FBXL17: variants seen among roughly 807,000 people sequenced by gnomAD.
FBXL17 encodes F-box/LRR-repeat protein 17.
A neutral mutation model predicts 66.2 loss-of-function variants in FBXL17; 22 were observed. The observed-to-expected ratio is 0.33, with a 90% CI of 0.24 to 0.47. FBXL17 has a LOEUF of 0.47. Ranked by LOEUF, FBXL17 falls within the 20% of genes least tolerant of loss-of-function variation. FBXL17 has a pLI of 1.00. For synonymous variants in FBXL17, 474 were observed against 400.5 expected (o/e 1.18, Z -2.19); for missense variants, 878 against 948.2 (o/e 0.93, Z 0.97).
intron 6 of FBXL17, among the ~76,000 whole-genome samples, chr5:108,028,007 T>TG (rs1440504923): frequency 1.3e-5 from 2 of 152,140 alleles, no homozygotes; most frequent in Non-Finnish European, 2.9e-5. Flanking sequence ...ATCTTTATGG[T>TG]GTTCTGGCAT....
intron 6 of FBXL17, among the ~76,000 whole-genome samples, chr5:108,117,754 G>A (rs756159781): frequency 6.6e-6 from 1 of 152,104 alleles, no homozygotes; most frequent in Non-Finnish European, 1.5e-5. Flanking sequence ...ACCCCCTCTC[G>A]GAAATCCCTG....
At chr5:108,224,586 TG>T (rs1169272030) in intron 4 of FBXL17, among the ~76,000 whole-genome samples, 2 of 151,502 alleles carry the variant, frequency 1.3e-5, no homozygotes, top group East Asian at 1.9e-4. Context: ...TGGTTTGTTT[TG>T]GGGTTTTTTG....
chr5:107,894,739 C>CACATGCTTTTAAT (rs1749315989), intron 7 of FBXL17, among the ~76,000 whole-genome samples: 1 of 152,078 alleles, frequency 6.6e-6, no homozygotes, highest in Non-Finnish European at 1.5e-5. Context: ...TATATAATTA[C>CACATGCTTTTAAT]ACATGCTTTT....
intron 7 of FBXL17, among the ~76,000 whole-genome samples, chr5:107,991,837 A>C (rs976213489): frequency 5.3e-5 from 8 of 152,206 alleles, no homozygotes; most frequent in African/African-American, 1.9e-4. Flanking sequence ...TTGGAAAATG[A>C]GGAGTCAACA....
chr5:108,015,505 A>C (rs903546957), intron 7 of FBXL17, among the ~76,000 whole-genome samples: 4 of 152,202 alleles, frequency 2.6e-5, no homozygotes, highest in African/African-American at 9.7e-5. Flanking sequence ...AAATGAAAAA[A>C]ACAGGAATTT....
rs567380054 is a variant in FBXL17 at position 107,985,893 on chromosome 5, G to A, written c.1822+35032C>T. 1.8e-4 allele frequency among the ~76,000 whole-genome samples: 27 copies of A among 152,214 alleles called. No individual in the cohort carries two copies. The South Asian group carries it at 4.4e-3, about 25-fold the overall frequency. ...GAAGGTGAGAGTGCAGACGAAACAA[G>A]TTTAGCTGTCTATTGGTCACTGTTA... On this transcript the variant is annotated intron_variant, in intron 7 of 8. Transcript: ENST00000542267.
At chr5:107,933,118 C>G (rs545273658) in intron 7 of FBXL17, among the ~76,000 whole-genome samples, 1 of 152,228 alleles carries the variant, frequency 6.6e-6, no homozygotes, top group East Asian at 1.9e-4. Flanking sequence ...TGGAACGGTA[C>G]TGAATTTACA....
In FBXL17 at chr5:108,038,201, A is replaced by G. The variant is rs184015025; in HGVS notation, c.1746-17200T>C. ...CCTAATTTGAATAAGTAAGCTGAAA[A>G]GGGCATTTTTTGAGACAGGAAAAAT... On this transcript the variant is annotated intron_variant, in intron 6 of 8. Coordinates refer to ENST00000542267, the MANE Select transcript of FBXL17 (RefSeq NM_001163315.3). Among the ~76,000 whole-genome samples the G allele has an allele frequency of 2.4e-3, 366 of 152,286 alleles. 3 individuals are homozygous for G. The highest frequency in any genetic ancestry group is 0.014 in the South Asian group (68 of 4,828).
At chr5:107,989,170 T>C (rs988875149) in intron 7 of FBXL17, among the ~76,000 whole-genome samples, 1 of 152,100 alleles carries the variant, frequency 6.6e-6, no homozygotes, top group African/African-American at 2.4e-5. Flanking sequence ...CTGGCTATTT[T>C]GAAATGCACA....
At chr5:108,118,316 T>A (rs538685246) in intron 6 of FBXL17, among the ~76,000 whole-genome samples, 1 of 152,296 alleles carries the variant, frequency 6.6e-6, no homozygotes, top group Non-Finnish European at 1.5e-5. Flanking sequence ...AAATTCAACA[T>A]GTTCAAAACT....
At chr5:107,951,971 A>G (rs1006404118) in intron 7 of FBXL17, among the ~76,000 whole-genome samples, 29 of 152,210 alleles carry the variant, frequency 1.9e-4, no homozygotes, top group Non-Finnish European at 1.3e-4. Flanking sequence ...GTCTAAAAGA[A>G]AGCTGTCCCA....
chr5:108,221,824 A>C (rs759491051), intron 5 of FBXL17, among the ~76,000 whole-genome samples: 1 of 152,226 alleles, frequency 6.6e-6, no homozygotes, highest in Non-Finnish European at 1.5e-5. Flanking sequence ...GGTTTTCAAG[A>C]GATAAACCAA....
At chr5:108,282,512 A>G (rs1042663069) in intron 4 of FBXL17, among the ~76,000 whole-genome samples, 2 of 151,692 alleles carry the variant, frequency 1.3e-5, no homozygotes, top group South Asian at 4.1e-4. Context: ...GAAGAAACAC[A>G]CCTCAAAGTA....
chr5:108,189,567 T>A (rs1422138788), intron 5 of FBXL17, among the ~76,000 whole-genome samples: 6 of 152,170 alleles, frequency 3.9e-5, no homozygotes, highest in Admixed American at 1.3e-4. Flanking sequence ...CAATGGCCTA[T>A]GCTCTATCAT....
At chr5:108,351,522 A>G (rs1422374530) in intron 3 of FBXL17, among the ~76,000 whole-genome samples, 1 of 152,186 alleles carries the variant, frequency 6.6e-6, no homozygotes, top group Non-Finnish European at 1.5e-5. Context: ...GCATACAGGG[A>G]GCAAGCAATC....
intron 5 of FBXL17, among the ~76,000 whole-genome samples, chr5:108,201,369 G>A (rs1753887074): frequency 6.6e-6 from 1 of 152,082 alleles, no homozygotes; most frequent in Non-Finnish European, 1.5e-5. Flanking sequence ...ATAGACACAG[G>A]TACTTCCCTG....
chr5:107,899,060 G>A (rs1225993908), intron 7 of FBXL17, among the ~76,000 whole-genome samples: 1 of 152,136 alleles, frequency 6.6e-6, no homozygotes, highest in Non-Finnish European at 1.5e-5. Flanking sequence ...CACAATGGTT[G>A]AACTAGTTTA....
intron 6 of FBXL17, among the ~76,000 whole-genome samples, chr5:108,126,664 CAT>C (rs869283993): frequency 0.016 from 1,772 of 107,936 alleles, 21 homozygotes; most frequent in South Asian, 0.03. Context: ...TATATATATA[CAT>C]ATATATATAT....
At chr5:107,893,093 A>G (rs563802236) in intron 7 of FBXL17, among the ~76,000 whole-genome samples, 4 of 152,132 alleles carry the variant, frequency 2.6e-5, no homozygotes, top group Non-Finnish European at 5.9e-5. Flanking sequence ...TATCATTGTC[A>G]GGGTTAGGAA....
Sources: gnomAD v4.1 joint callset for allele counts (sites outside exome capture counted in the v4.1 genomes callset) on GRCh38, gnomAD v4.1.1 for gene constraint, MANE v1.5 for transcripts, NCBI Gene and HGNC (gene_info 2026-07-23, HGNC 2026-07-21) for gene names.